Variants in TASP1 observed in about 807,000 individuals in gnomAD.
The protein encoded by TASP1 is taspase 1, also known as threonine aspartase 1.
TASP1 carries 16 observed loss-of-function variants against 56.6 expected under a neutral mutation model. That is an observed-to-expected ratio of 0.28 (90% CI 0.19 to 0.43). The LOEUF is 0.43. TASP1 is among the 20% of genes least tolerant of loss of function. The pLI, the probability that TASP1 is intolerant of heterozygous loss-of-function variation, is 1.00. For synonymous variants in TASP1, 179 were observed against 184.2 expected (o/e 0.97, Z 0.23); for missense variants, 393 against 511.6 (o/e 0.77, Z 2.24).
At chr20:13,209,490 C>A in the TASP1 span, among the ~76,000 whole-genome samples, 1 of 152,090 alleles carries the variant, frequency 6.6e-6, no homozygotes, top group Non-Finnish European at 1.5e-5. Context: ...TTTATGAATT[C>A]TTTCTGTAAA....
the TASP1 span, among the ~76,000 whole-genome samples, chr20:13,123,761 C>T: frequency 6.6e-6 from 1 of 152,180 alleles, no homozygotes; most frequent in African/African-American, 2.4e-5. Flanking sequence ...ATCCAAATCT[C>T]CCCATCCCTC....
At chr20:13,309,006 G>A in the TASP1 span, among the ~76,000 whole-genome samples, 1 of 152,274 alleles carries the variant, frequency 6.6e-6, no homozygotes, top group South Asian at 2.1e-4. Context: ...CCAGAAATGT[G>A]AGAAATACAT....
intron 10 of TASP1, among the ~76,000 whole-genome samples, chr20:13,492,270 T>A (rs1374803193): frequency 6.6e-6 from 1 of 152,078 alleles, no homozygotes. Context: ...TTTCAACACA[T>A]CCCCTCTTAG....
Position 13,421,953 on chromosome 20 carries a change from C to CTTATTTTTTT in TASP1, c.1097-4433_1097-4432insAAAAAAATAA, listed in dbSNP as rs1246920761. On this transcript the variant is annotated intron_variant, in intron 12 of 13. Transcript: ENST00000337743. ...TATTTTATATGTGTTTCTGTTTAAC[C>CTTATTTTTTT]TTTTTTTTTTTTTTTTTTGACAGAG... Among the ~76,000 whole-genome samples the CTTATTTTTTT allele has an allele frequency of 4.0e-4, 56 of 139,046 alleles. 2 individuals are homozygous for CTTATTTTTTT. The highest frequency in any genetic ancestry group is 3.8e-3 in the Middle Eastern group (1 of 264). 91.2% of individuals were successfully genotyped at this position (139,046 alleles called of 152,430 possible).
the TASP1 span, among the ~76,000 whole-genome samples, chr20:13,149,174 A>G: frequency 6.6e-6 from 1 of 152,204 alleles, no homozygotes; most frequent in Non-Finnish European, 1.5e-5. Context: ...TCACTTATTT[A>G]TGTGAGTAGG....
rs778477843 is a variant in TASP1, at chr20:13,559,046, A to T, written c.637T>A (p.Phe213Ile). 1 of 1,596,820 alleles carries T rather than the reference A, an allele frequency of 6.3e-7. No individual in the cohort carries two copies. Among genetic ancestry groups the T allele is most frequent in the East Asian group, 2.3e-5 (1 of 43,956 alleles). Residue 213 changes from phenylalanine (F) to isoleucine (I), a missense_variant, in exon 8 of 14, where the codon TTT (phenylalanine) becomes ATT (isoleucine). Around this residue, in one of 3 missense-constraint regions of TASP1, gnomAD observed 293 missense variants for 354.2 expected, o/e 0.83. Coordinates refer to ENST00000337743, the MANE Select transcript of TASP1 (RefSeq NM_017714.3). ...TGTCTTCTTTTCTTTAGTTGCATAA[A>T]ATCTGTGTCCACCCTTTCTGCCAGC... Reference protein sequence around the residue: ...LELAERVDTDFMQLKKRRQSS... With the variant: ...LELAERVDTDIMQLKKRRQSS...
the TASP1 span, among the ~76,000 whole-genome samples, chr20:13,256,534 T>C: frequency 2.0e-5 from 3 of 152,042 alleles, no homozygotes; most frequent in African/African-American, 7.2e-5. Context: ...TGTATTTTAA[T>C]AGGGGATCAT....
At chr20:13,235,533 G>C in the TASP1 span, among the ~76,000 whole-genome samples, 1 of 152,184 alleles carries the variant, frequency 6.6e-6, no homozygotes, top group Non-Finnish European at 1.5e-5. Flanking sequence ...CCAGAGTCAG[G>C]CCAAGAGAAA....
intron 8 of TASP1, among the ~76,000 whole-genome samples, chr20:13,541,015 A>G (rs995107115): frequency 2.6e-5 from 4 of 152,328 alleles, no homozygotes; most frequent in East Asian, 1.9e-4. Flanking sequence ...GGTTGTAACT[A>G]TAAGAAAAAA....
At chr20:13,175,653 C>G in the TASP1 span, among the ~76,000 whole-genome samples, 1 of 152,164 alleles carries the variant, frequency 6.6e-6, no homozygotes, top group African/African-American at 2.4e-5. Context: ...GAGTTTGGCA[C>G]TTAGATTTAC....
chr20:13,318,698 C>T, the TASP1 span, among the ~76,000 whole-genome samples: 5 of 152,202 alleles, frequency 3.3e-5, 1 homozygote, highest in South Asian at 4.1e-4. Flanking sequence ...CTATTCAGTG[C>T]TAATAAGAAA....
chr20:13,356,215 AGAGGTT>A, the TASP1 span, among the ~76,000 whole-genome samples: 1 of 152,200 alleles, frequency 6.6e-6, no homozygotes, highest in Non-Finnish European at 1.5e-5. Context: ...TTACATAATA[AGAGGTT>A]TTATGGCTTA....
At chr20:13,237,903 C>G in the TASP1 span, 1 of 152,134 alleles carries the variant, frequency 6.6e-6, no homozygotes, top group Non-Finnish European at 1.5e-5. Context: ...GGGGGTGCTC[C>G]TCTGCCTCAG....
At chr20:13,292,215 C>T in the TASP1 span, among the ~76,000 whole-genome samples, 1 of 152,176 alleles carries the variant, frequency 6.6e-6, no homozygotes, top group Non-Finnish European at 1.5e-5. Flanking sequence ...GCACTACGAC[C>T]TGCTTTTTAC....
At chr20:13,192,184 G>A in the TASP1 span, among the ~76,000 whole-genome samples, 1 of 152,198 alleles carries the variant, frequency 6.6e-6, no homozygotes, top group South Asian at 2.1e-4. Context: ...TGCCCTGTAA[G>A]AAATGTTAAA....
chr20:13,394,084 C>T (rs1281947832), intron 13 of TASP1, among the ~76,000 whole-genome samples: 1 of 150,634 alleles, frequency 6.6e-6, no homozygotes, highest in African/African-American at 2.4e-5. Context: ...AGTTCGAGAC[C>T]AGCCTGGCCA....
At chr20:13,600,280 T>A (rs1003570421) in intron 4 of TASP1, among the ~76,000 whole-genome samples, 2 of 152,204 alleles carry the variant, frequency 1.3e-5, no homozygotes, top group Non-Finnish European at 1.5e-5. Context: ...AAAATACTTA[T>A]GTAAATGCAA....
the TASP1 span, among the ~76,000 whole-genome samples, chr20:13,298,606 G>A: frequency 6.6e-6 from 1 of 152,148 alleles, no homozygotes; most frequent in South Asian, 2.1e-4. Context: ...GTTAAATCCA[G>A]GTGATGAAAT....
rs187960488 is a variant in TASP1 at position 13,581,912 on chromosome 20, G to T, written c.404-931C>A. Among the ~76,000 whole-genome samples, 426 of 152,204 alleles carry T rather than the reference G, an allele frequency of 2.8e-3. 2 individuals are homozygous for T. Among genetic ancestry groups the T allele is most frequent in the Middle Eastern group, 6.8e-3 (2 of 294 alleles). On this transcript the variant is annotated intron_variant, in intron 5 of 13. Transcript: ENST00000337743. ...GTTGCCTGCCCATGATCACAGCGCT[G>T]AGTTTTAACATGGAGGCAGCCAATA... is the stretch of plus-strand genomic sequence containing the variant.
Sources: gnomAD v4.1 joint callset for allele counts (sites outside exome capture counted in the v4.1 genomes callset) on GRCh38, gnomAD v4.1.1 for gene constraint, gnomAD v4.1.1 regional missense constraint, MANE v1.5 for transcripts, NCBI Gene and HGNC (gene_info 2026-07-23, HGNC 2026-07-21) for gene names.